The following SEMA5A variants were observed in gnomAD, a reference collection of about 807,000 sequenced individuals.
The protein encoded by SEMA5A is semaphorin-5A.
A neutral mutation model predicts 135.5 loss-of-function variants in SEMA5A; 55 were observed. The ratio of observed to expected loss-of-function variants is 0.41; its 90% CI spans 0.33 to 0.51. SEMA5A has a LOEUF of 0.51. Among genes scored for constraint, SEMA5A ranks in the 20% least tolerant of loss-of-function variants. The pLI, the probability that SEMA5A is intolerant of heterozygous loss-of-function variation, is 0.37. For missense variants in SEMA5A, 1,290 were observed against 1,419.9 expected, an observed-to-expected ratio of 0.91 and a Z score of 1.47; for synonymous variants, 580 against 546.5, an observed-to-expected ratio of 1.06 and a Z score of -0.85.
intron 21 of SEMA5A, among the ~76,000 whole-genome samples, chr5:9,044,909 C>T (rs745518088): frequency 2.6e-5 from 4 of 151,994 alleles, no homozygotes; most frequent in East Asian, 1.9e-4. Context: ...CTCAGCCTCC[C>T]GAGTAGCTTG....
intron 1 of SEMA5A, among the ~76,000 whole-genome samples, chr5:9,500,727 A>G (rs1735551365): frequency 6.6e-6 from 1 of 152,156 alleles, no homozygotes; most frequent in South Asian, 2.1e-4. Flanking sequence ...AAAATTTGCT[A>G]ATTCTGGCAA....
chr5:9,103,112 T>G (rs1739719162), intron 16 of SEMA5A, among the ~76,000 whole-genome samples: 1 of 152,202 alleles, frequency 6.6e-6, no homozygotes, highest in Non-Finnish European at 1.5e-5. Flanking sequence ...CACCCTGGAT[T>G]GTCTCAGGAC....
intron 5 of SEMA5A, among the ~76,000 whole-genome samples, chr5:9,252,812 T>C (rs1311129595): frequency 1.3e-5 from 2 of 152,188 alleles, no homozygotes; most frequent in Non-Finnish European, 2.9e-5. Flanking sequence ...CCCTTTCTTA[T>C]ACAGCTCAGA....
chr5:9,255,223 T>C (rs1749002973), intron 5 of SEMA5A, among the ~76,000 whole-genome samples: 2 of 152,210 alleles, frequency 1.3e-5, no homozygotes, highest in African/African-American at 4.8e-5. Flanking sequence ...GTGGCTCAGA[T>C]GTTTTGTTTA....
At chr5:9,290,122 G>A (rs1474344845) in intron 5 of SEMA5A, among the ~76,000 whole-genome samples, 1 of 152,032 alleles carries the variant, frequency 6.6e-6, no homozygotes, top group Non-Finnish European at 1.5e-5. Context: ...TTTTTTCGTG[G>A]TGATTTCTGA....
At chr5:9,409,924 A>G (rs767874847) in intron 2 of SEMA5A, among the ~76,000 whole-genome samples, 8 of 152,110 alleles carry the variant, frequency 5.3e-5, no homozygotes, top group Non-Finnish European at 8.8e-5. Context: ...TTTCATATTA[A>G]GTAAATCTTT....
intron 6 of SEMA5A, among the ~76,000 whole-genome samples, chr5:9,228,184 CAG>C (rs1216085479): frequency 6.6e-6 from 1 of 152,092 alleles, no homozygotes; most frequent in Non-Finnish European, 1.5e-5. Flanking sequence ...TGAGGACACA[CAG>C]AGGAATAGCA....
chr5:9,484,718 G>A (rs540205493), intron 1 of SEMA5A, among the ~76,000 whole-genome samples: 17 of 152,244 alleles, frequency 1.1e-4, no homozygotes, highest in South Asian at 8.3e-4. Context: ...GATACCAGGC[G>A]AGTCGGTCTC....
chr5:9,144,866 A>T (rs1742248641), intron 12 of SEMA5A, among the ~76,000 whole-genome samples: 1 of 152,178 alleles, frequency 6.6e-6, no homozygotes, highest in African/African-American at 2.4e-5. Context: ...AATTGAATGA[A>T]AGGAGAAGAA....
intron 16 of SEMA5A, among the ~76,000 whole-genome samples, chr5:9,089,182 G>A (rs545316345): frequency 6.6e-6 from 1 of 152,236 alleles, no homozygotes; most frequent in African/African-American, 2.4e-5. Context: ...TCACACAGCA[G>A]GCACTTGGCA....
chr5:9,511,721 TA>T (rs1736215529), intron 1 of SEMA5A, among the ~76,000 whole-genome samples: 1 of 152,212 alleles, frequency 6.6e-6, no homozygotes, highest in African/African-American at 2.4e-5. Context: ...GAAAGATAAG[TA>T]AATAAGGTAA....
At chr5:9,049,959 G>T (rs2150039470) in intron 21 of SEMA5A, among the ~76,000 whole-genome samples, 1 of 152,316 alleles carries the variant, frequency 6.6e-6, no homozygotes, top group Middle Eastern at 3.4e-3. Flanking sequence ...GAAGCTAGCT[G>T]CCATGGATTT....
intron 3 of SEMA5A, among the ~76,000 whole-genome samples, chr5:9,341,058 C>A (rs1214302424): frequency 6.6e-6 from 1 of 152,052 alleles, no homozygotes; most frequent in African/African-American, 2.4e-5. Flanking sequence ...ACATCCTCTC[C>A]TATTTCAAAA....
intron 5 of SEMA5A, among the ~76,000 whole-genome samples, chr5:9,272,676 A>G (rs1339220788): frequency 1.3e-5 from 2 of 152,144 alleles, no homozygotes; most frequent in Non-Finnish European, 2.9e-5. Flanking sequence ...ACAGGCAGCA[A>G]TCTTTGCTAT....
chr5:9,505,737 G>A (rs930624490), intron 1 of SEMA5A, among the ~76,000 whole-genome samples: 2 of 152,210 alleles, frequency 1.3e-5, no homozygotes, highest in Non-Finnish European at 2.9e-5. Context: ...CCAAATGGCC[G>A]AAGCTAAGTC....
intron 8 of SEMA5A, among the ~76,000 whole-genome samples, chr5:9,210,407 A>G (rs1414457236): frequency 6.6e-6 from 1 of 152,172 alleles, no homozygotes; most frequent in Non-Finnish European, 1.5e-5. Context: ...GCATTAAATT[A>G]CCACACAGGC....
chr5:9,395,133 G>A (rs898653240), intron 2 of SEMA5A, among the ~76,000 whole-genome samples: 1 of 152,180 alleles, frequency 6.6e-6, no homozygotes. Flanking sequence ...GGTAAGATTA[G>A]TTTTATGGGT....
At chr5:9,233,354 G>T (rs571226485) in intron 6 of SEMA5A, among the ~76,000 whole-genome samples, 1 of 152,280 alleles carries the variant, frequency 6.6e-6, no homozygotes, top group South Asian at 2.1e-4. Context: ...TTGTGTAAAA[G>T]ATACTTAAGT....
At chr5:9,053,954 A>T in intron 19 of SEMA5A, 133 bp downstream of exon 19, 1 of 928,828 alleles carries the variant, frequency 1.1e-6, no homozygotes, top group East Asian at 2.5e-5. Flanking sequence ...TTCAAGGGTA[A>T]TAGCATGTTG....
Sources: gnomAD v4.1 joint callset for allele counts (sites outside exome capture counted in the v4.1 genomes callset) on GRCh38, gnomAD v4.1.1 for gene constraint, MANE v1.5 for transcripts, NCBI Gene and HGNC (gene_info 2026-07-23, HGNC 2026-07-21) for gene names.